PRKAG2: variants seen among roughly 807,000 people sequenced by gnomAD.
The protein encoded by PRKAG2 is protein kinase AMP-activated non-catalytic subunit gamma 2, also known as 5'-AMP-activated protein kinase subunit gamma-2.
PRKAG2 carries 26 observed loss-of-function variants against 69.6 expected under a neutral mutation model. The observed-to-expected ratio is 0.37, with a 90% CI of 0.27 to 0.52. The LOEUF (loss-of-function observed/expected upper bound fraction) is 0.52, where lower values mean the gene tolerates loss of function less well. Among genes scored for constraint, PRKAG2 ranks in the 20% least tolerant of loss-of-function variants. PRKAG2 has a pLI of 0.90. For missense variants in PRKAG2, 557 were observed against 740.0 expected, an observed-to-expected ratio of 0.75 and a Z score of 2.87; for synonymous variants, 293 against 285.0, an observed-to-expected ratio of 1.03 and a Z score of -0.28.
chr7:151,824,997 A>T (rs1242671497), intron 1 of PRKAG2, among the ~76,000 whole-genome samples: 1 of 152,150 alleles, frequency 6.6e-6, no homozygotes, highest in Admixed American at 6.5e-5. Flanking sequence ...GCGGATCACG[A>T]GGTCAGGAGT....
chr7:151,609,309 TA>T (rs565634915), intron 5 of PRKAG2, among the ~76,000 whole-genome samples: 2,386 of 102,160 alleles, frequency 0.023, 54 homozygotes, highest in African/African-American at 0.1. Flanking sequence ...AGAATTTATA[TA>T]AAAAAAATGT....
intron 5 of PRKAG2, among the ~76,000 whole-genome samples, chr7:151,596,075 C>T (rs1015854626): frequency 2.6e-5 from 4 of 152,066 alleles, no homozygotes; most frequent in Admixed American, 6.5e-5. Flanking sequence ...GACAAGAATG[C>T]CTGCTGTTGC....
At chr7:151,606,370 C>A (rs904433696) in intron 5 of PRKAG2, among the ~76,000 whole-genome samples, 3 of 152,066 alleles carry the variant, frequency 2.0e-5, no homozygotes, top group African/African-American at 7.2e-5. Context: ...ATAGGTGGCA[C>A]CATCTGTGTT....
At chr7:151,799,958 C>G (rs996530021) in intron 1 of PRKAG2, among the ~76,000 whole-genome samples, 7 of 152,328 alleles carry the variant, frequency 4.6e-5, no homozygotes, top group African/African-American at 1.7e-4. Context: ...ACTTTTTAGT[C>G]TTTTTATAAG....
At chr7:151,864,635 G>A (rs2080016830) in intron 1 of PRKAG2, among the ~76,000 whole-genome samples, 1 of 152,242 alleles carries the variant, frequency 6.6e-6, no homozygotes, top group Non-Finnish European at 1.5e-5. Context: ...AAGCAGAGTG[G>A]TGAGGAGACA....
At chr7:151,748,249 C>A (rs1186990828) in intron 3 of PRKAG2, among the ~76,000 whole-genome samples, 1 of 152,118 alleles carries the variant, frequency 6.6e-6, no homozygotes, top group Non-Finnish European at 1.5e-5. Flanking sequence ...ATACAAGGAA[C>A]AGCTATACTT....
chr7:151,603,888 GTTAT>G (rs1282786150), intron 5 of PRKAG2, among the ~76,000 whole-genome samples: 6 of 152,164 alleles, frequency 3.9e-5, no homozygotes, highest in Admixed American at 6.5e-5. Flanking sequence ...GTACAGGAGA[GTTAT>G]TTATTTATCT....
chr7:151,820,015 G>T (rs1409334141), intron 1 of PRKAG2, among the ~76,000 whole-genome samples: 2 of 152,210 alleles, frequency 1.3e-5, no homozygotes, highest in African/African-American at 4.8e-5. Context: ...CTAAGACCAG[G>T]TGTTCCTGAT....
chr7:151,736,350 T>G lies in PRKAG2; in HGVS notation c.466+44802A>C. On this transcript the variant is annotated intron_variant, in intron 3 of 15. Transcript: ENST00000287878. ...CTTCGCAGGGGATTTGTTGATGTAG[T>G]TAAGGTCAGCTGCTCACTGATACTC... 4 of 1,072,974 alleles carry G rather than the reference T, an allele frequency of 3.7e-6. No individual in the cohort carries two copies. In the South Asian group the frequency reaches 1.3e-4, roughly 36 times the overall value. 66.5% of individuals were successfully genotyped at this position (1,072,974 alleles called of 1,614,324 possible).
At chr7:151,747,380 A>C (rs1435332369) in intron 3 of PRKAG2, among the ~76,000 whole-genome samples, 2 of 152,162 alleles carry the variant, frequency 1.3e-5, no homozygotes, top group African/African-American at 2.4e-5. Flanking sequence ...AACATGGTGA[A>C]ACTCCGTCTC....
chr7:151,645,758 CCTAG>C (rs1229917202), intron 4 of PRKAG2, among the ~76,000 whole-genome samples: 1 of 152,100 alleles, frequency 6.6e-6, no homozygotes, highest in African/African-American at 2.4e-5. Flanking sequence ...CTTTTTCTGT[CCTAG>C]CTAAGAAATC....
chr7:151,722,176 A>G (rs1797224155), intron 3 of PRKAG2, among the ~76,000 whole-genome samples: 2 of 152,188 alleles, frequency 1.3e-5, no homozygotes, highest in Non-Finnish European at 2.9e-5. Context: ...CCCCAGAGAC[A>G]TTCTTTACAA....
intron 8 of PRKAG2, among the ~76,000 whole-genome samples, chr7:151,574,083 C>A (rs923410333): frequency 6.6e-6 from 1 of 152,164 alleles, no homozygotes; most frequent in Non-Finnish European, 1.5e-5. Context: ...CCGGCAAGAG[C>A]ATGTTTTATG....
chr7:151,839,016 A>G (rs1242674051), intron 1 of PRKAG2, among the ~76,000 whole-genome samples: 1 of 142,912 alleles, frequency 7.0e-6, no homozygotes, highest in Non-Finnish European at 1.6e-5. Context: ...CTGTCTCAAA[A>G]AAAAAAAAAA....
chr7:151,760,975 G>A (rs1000449897), intron 3 of PRKAG2, among the ~76,000 whole-genome samples: 1 of 152,126 alleles, frequency 6.6e-6, no homozygotes, highest in African/African-American at 2.4e-5. Context: ...AAGCCACAAG[G>A]ATGCTTATCA....
rs1796678760 is a variant in PRKAG2 at position 151,719,375 on chromosome 7, A to G, written c.467-43738T>C. Reference sequence around the variant, plus strand: ...GGCCTCCTGCTGGGGGAGCTGGGCTATAACTTCCGCTTCCCCCTTCACACA... The same window carrying G: ...GGCCTCCTGCTGGGGGAGCTGGGCTGTAACTTCCGCTTCCCCCTTCACACA... On this transcript the variant is annotated intron_variant, in intron 3 of 15. Coordinates refer to ENST00000287878, the MANE Select transcript of PRKAG2 (RefSeq NM_016203.4). This position sits in a 1 kb window ranked among gnomAD's most constrained non-coding sequence, Gnocchi z 5.2. 6.6e-6 allele frequency among the ~76,000 whole-genome samples: 1 copy of G among 152,050 alleles called. No homozygotes were observed. Among genetic ancestry groups the G allele is most frequent in the South Asian group, 2.1e-4 (1 of 4,774 alleles).
rs563948792 is a variant in PRKAG2, at chr7:151,675,327, C to T, written c.684+93G>A. The T allele has an allele frequency of 2.7e-5, 34 of 1,268,380 alleles. No individual in the cohort carries two copies. The Middle Eastern group carries it at 5.5e-4, about 21-fold the overall frequency. The allele number at this position is 1,268,380 out of a possible 1,614,324, so 78.6% of individuals were successfully genotyped here. On this transcript the variant is annotated intron_variant, in intron 4 of 15. Coordinates refer to ENST00000287878, the MANE Select transcript of PRKAG2 (RefSeq NM_016203.4). Reference sequence around the variant, plus strand: ...TGTCGGGAGCACACGACCTCAGCCTCGGCTGCAGATAGACTGCTCAGCTTG... The same window carrying T: ...TGTCGGGAGCACACGACCTCAGCCTTGGCTGCAGATAGACTGCTCAGCTTG...
intron 3 of PRKAG2, among the ~76,000 whole-genome samples, chr7:151,689,688 G>C (rs1165627880): frequency 6.6e-6 from 1 of 152,160 alleles, no homozygotes; most frequent in Non-Finnish European, 1.5e-5. Flanking sequence ...TGGGGTGCTG[G>C]CTGCAGCCGG....
In PRKAG2 at chr7:151,558,071, G is replaced by C; in HGVS notation, c.1679-839C>G. On this transcript the variant is annotated intron_variant, in intron 15 of 15. Coordinates refer to ENST00000287878, the MANE Select transcript of PRKAG2 (RefSeq NM_016203.4). ...CCTGAAAGAGATCGGCAATCTATTA[G>C]AGCGTGTGGCTGAAACACCGTAGCT... 3 of 985,324 alleles carry C rather than the reference G, an allele frequency of 3.0e-6. No individual in the cohort carries two copies. The African/African-American group carries it at 5.2e-5, about 17-fold the overall frequency. 61.0% of individuals were successfully genotyped at this position (985,324 alleles called of 1,614,324 possible).
Sources: allele counts gnomAD v4.1 joint callset (sites outside exome capture counted in the v4.1 genomes callset), GRCh38; gene constraint gnomAD v4.1.1; non-coding constraint Gnocchi (gnomAD v3.1); transcripts MANE v1.5; gene names NCBI Gene and HGNC (gene_info 2026-07-23, HGNC 2026-07-21).